Variants in PKDCC observed in about 807,000 individuals in gnomAD.
PKDCC encodes the protein extracellular tyrosine-protein kinase PKDCC.
PKDCC carries 35 observed loss-of-function variants against 44.7 expected under a neutral mutation model. The observed-to-expected ratio is 0.78, with a 90% CI of 0.60 to 1.04. PKDCC has a LOEUF of 1.04. Ranked by LOEUF, PKDCC falls within the 50% of genes least tolerant of loss-of-function variation. The pLI is 0.00. For synonymous variants in PKDCC, 353 were observed against 303.3 expected (o/e 1.16, Z -1.70); for missense variants, 738 against 672.7 (o/e 1.10, Z -1.07).
At chr2:42,057,557 GAA>G (rs1432271622) in intron 6 of PKDCC, 44 bp from the exon 7 acceptor site, 1 of 1,598,226 alleles carries the variant, frequency 6.3e-7, no homozygotes, top group Non-Finnish European at 8.5e-7. Flanking sequence ...CTTGCCTCCA[GAA>G]AGAGAAACAT....
chr2:42,053,659 C>T (rs1203147648), intron 2 of PKDCC: 3 of 520,020 alleles, frequency 5.8e-6, no homozygotes, highest in Non-Finnish European at 6.8e-6. Context: ...AGCCTGACTG[C>T]AGGAGGGCCA....
intron 1 of PKDCC, among the ~76,000 whole-genome samples, chr2:42,050,863 G>A (rs1038693912): frequency 1.3e-5 from 2 of 152,126 alleles, no homozygotes; most frequent in South Asian, 2.1e-4. Flanking sequence ...GGCCAGTGTC[G>A]CTCTGGCCTC....
rs1056155900 is a variant in PKDCC at position 42,048,968 on chromosome 2, C to G, written c.639+130C>G. ...ACCCAGGCTAAGCTAGACGCAGAAA[C>G]CGGACCATGGCCCTTCCCACTGCAC... On this transcript the variant is annotated intron_variant, in intron 1 of 6. Transcript: ENST00000294964. The surrounding 1 kb of genome is among the most constrained non-coding windows in gnomAD (Gnocchi z 6.2). 1 of 1,302,068 alleles carries G rather than the reference C, an allele frequency of 7.7e-7. No homozygotes were observed. The highest frequency in any genetic ancestry group is 2.4e-5 in the South Asian group (1 of 41,838). 80.7% of individuals were successfully genotyped at this position (1,302,068 alleles called of 1,614,324 possible).
Position 42,049,186 on chromosome 2 carries a change from C to A in PKDCC, c.639+348C>A, listed in dbSNP as rs1572759375. Among the ~76,000 whole-genome samples the A allele has an allele frequency of 2.6e-5, 4 of 152,184 alleles. No homozygotes were observed. The South Asian group carries it at 6.2e-4, about 24-fold the overall frequency. ...TGAACACCAGGGATATTACCCCAAG[C>A]CAAAATGACCCTAAGCCAAGACACT... On this transcript the variant is annotated intron_variant, in intron 1 of 6. Coordinates refer to ENST00000294964, the MANE Select transcript of PKDCC (RefSeq NM_138370.3).
At position 42,057,745 on chromosome 2, in the gene PKDCC, G is replaced by A. The variant is rs545680722; in HGVS notation, c.*57G>A. Reference sequence around the variant, plus strand: ...ATCCTCAGCAGCTGGGCTTGCCTGTGGAGGGAGTGACTTGCACTGGCAGCA... The same window carrying A: ...ATCCTCAGCAGCTGGGCTTGCCTGTAGAGGGAGTGACTTGCACTGGCAGCA... On this transcript the variant is annotated 3_prime_UTR_variant, in exon 7 of 7. Transcript: ENST00000294964. 6.0e-6 allele frequency: 9 copies of A among 1,494,592 alleles called. No homozygotes were observed. Among genetic ancestry groups the A allele is most frequent in the Middle Eastern group, 4.0e-4 (2 of 5,054 alleles). The allele number at this position is 1,494,592 out of a possible 1,614,324, so 92.6% of individuals were successfully genotyped here.
chr2:42,049,693 C>G lies in PKDCC; in HGVS notation c.639+855C>G, dbSNP rs916476319. 2.6e-5 allele frequency among the ~76,000 whole-genome samples: 4 copies of G among 152,176 alleles called. No individual in the cohort carries two copies. The East Asian group carries it at 7.7e-4, about 29-fold the overall frequency. On this transcript the variant is annotated intron_variant, in intron 1 of 6. Transcript: ENST00000294964. ...ACACAGGCGAGAGCTGAAACCCCCACCTTGTCCCCTCCAAGCTAGACTTTG... is the reference window on the plus strand; with the variant it reads ...ACACAGGCGAGAGCTGAAACCCCCAGCTTGTCCCCTCCAAGCTAGACTTTG...
At chr2:42,053,968 G>A (rs946372789) in intron 2 of PKDCC, 68 bp from the exon 3 acceptor site, 3 of 1,546,020 alleles carry the variant, frequency 1.9e-6, no homozygotes, top group Non-Finnish European at 2.6e-6. Flanking sequence ...AGAGGAGGGT[G>A]CCCTCGAGTC....
intron 1 of PKDCC, 39 bp from the exon 2 acceptor site, chr2:42,053,200 C>A: frequency 4.3e-6 from 6 of 1,401,172 alleles, no homozygotes; most frequent in South Asian, 1.3e-5. Context: ...TCCCCACCCC[C>A]ACCCTGTGAC....
chr2:42,056,865 G>A (rs1307398433), intron 5 of PKDCC, among the ~76,000 whole-genome samples: 4 of 152,320 alleles, frequency 2.6e-5, no homozygotes, highest in African/African-American at 4.8e-5. Flanking sequence ...GGCTCCAACT[G>A]TCTAAAATGT....
Position 42,055,222 on chromosome 2 carries a change from C to A in PKDCC, c.1115-64C>A. The A allele has an allele frequency of 6.8e-7, 1 of 1,480,846 alleles. No homozygotes were observed. Among genetic ancestry groups the A allele is most frequent in the Non-Finnish European group, 9.3e-7 (1 of 1,078,400 alleles). The allele number at this position is 1,480,846 out of a possible 1,614,324, so 91.7% of individuals were successfully genotyped here. The stretch of plus-strand genomic sequence containing the variant: ...TGGAGGCAGAGGTGGGAGCAGCTGG[C>A]TGCTGACTTCAGGGAGGAGTGGGAG... On this transcript the variant is annotated intron_variant, in intron 4 of 6. Coordinates refer to ENST00000294964, the MANE Select transcript of PKDCC (RefSeq NM_138370.3). This position sits in a 1 kb window ranked among gnomAD's most constrained non-coding sequence, Gnocchi z 4.5.
In PKDCC at chr2:42,055,615, T is replaced by C. The variant is rs1051901287; in HGVS notation, c.1222+222T>C. On this transcript the variant is annotated intron_variant, in intron 5 of 6. Coordinates refer to ENST00000294964, the MANE Select transcript of PKDCC (RefSeq NM_138370.3). This position sits in a 1 kb window ranked among gnomAD's most constrained non-coding sequence, Gnocchi z 4.5. ...CTATAATTCTGCCTTCAACCTGGGG[T>C]TGGGCACTGATACCCCTACTCTGGA... 9 of 548,380 alleles carry C rather than the reference T, an allele frequency of 1.6e-5. No homozygotes were observed. The highest frequency in any genetic ancestry group is 3.0e-5 in the Non-Finnish European group (9 of 304,984). The allele number at this position is 548,380 out of a possible 1,614,324, so 34.0% of individuals were successfully genotyped here. A position where few individuals can be genotyped will look rare whatever the true frequency, so the allele number is the denominator to read the frequency against.
At chr2:42,057,059 C>G (rs1668067954) in intron 5 of PKDCC, among the ~76,000 whole-genome samples, 162 bp from the exon 6 acceptor site, 1 of 152,232 alleles carries the variant, frequency 6.6e-6, no homozygotes, top group African/African-American at 2.4e-5. Context: ...AGCCCTGTTT[C>G]AACAGTGGTA....
At chr2:42,053,557 T>C (rs1289640072) in intron 2 of PKDCC, 196 bp downstream of exon 2, 11 of 725,434 alleles carry the variant, frequency 1.5e-5, no homozygotes, top group Non-Finnish European at 2.4e-5. Flanking sequence ...CATGCTGTGC[T>C]CTTGCCCTCC....
chr2:42,055,077 C>A lies in PKDCC; in HGVS notation c.1114+57C>A. The A allele has an allele frequency of 6.5e-7, 1 of 1,535,200 alleles. No homozygotes were observed. Among genetic ancestry groups the A allele is most frequent in the South Asian group, 1.1e-5 (1 of 89,026 alleles). The stretch of plus-strand genomic sequence containing the variant: ...CACCTACCCCACCCCCACCCGCCAG[C>A]AAAAGTGGGGAGAAAAATAACCCAG... On this transcript the variant is annotated intron_variant, in intron 4 of 6. Coordinates refer to ENST00000294964, the MANE Select transcript of PKDCC (RefSeq NM_138370.3). The surrounding 1 kb of genome is among the most constrained non-coding windows in gnomAD (Gnocchi z 4.5).
rs544369118 is a variant in PKDCC at position 42,051,148 on chromosome 2, C to G, written c.640-2091C>G. Among the ~76,000 whole-genome samples the G allele has an allele frequency of 1.9e-4, 29 of 152,212 alleles. No individual in the cohort carries two copies. Among genetic ancestry groups the G allele is most frequent in the African/African-American group, 5.8e-4 (24 of 41,502 alleles). ...TAGAAAATGCCCAGGCTAGCAGGCCCCATTCTGCACCTCCCAGGGCTTTCT... is the reference window on the plus strand; with the variant it reads ...TAGAAAATGCCCAGGCTAGCAGGCCGCATTCTGCACCTCCCAGGGCTTTCT... On this transcript the variant is annotated intron_variant, in intron 1 of 6. Transcript: ENST00000294964. The surrounding 1 kb of genome is among the most constrained non-coding windows in gnomAD (Gnocchi z 4.2).
rs753297586 is a variant in PKDCC, at chr2:42,057,840, C to T, written c.*152C>T. 1.5e-4 allele frequency: 95 copies of T among 643,192 alleles called. No individual in the cohort carries two copies. The highest frequency in any genetic ancestry group is 8.4e-4 in the Middle Eastern group (2 of 2,378). 39.8% of individuals were successfully genotyped at this position (643,192 alleles called of 1,614,324 possible). ...GACAGACAGATGTGACCAGGACAAA[C>T]GTGCAATAATGCCAAATGTTAAAAT... On this transcript the variant is annotated 3_prime_UTR_variant, in exon 7 of 7. Coordinates refer to ENST00000294964, the MANE Select transcript of PKDCC (RefSeq NM_138370.3).
chr2:42,054,316 C>T lies in PKDCC; in HGVS notation c.1034+9C>T, dbSNP rs1447791730. The T allele has an allele frequency of 3.8e-6, 6 of 1,591,680 alleles. No homozygotes were observed. The highest frequency in any genetic ancestry group is 1.7e-5 in the Admixed American group (1 of 58,028). On this transcript the variant is annotated intron_variant, in intron 3 of 6. Coordinates refer to ENST00000294964, the MANE Select transcript of PKDCC (RefSeq NM_138370.3). The surrounding 1 kb of genome is among the most constrained non-coding windows in gnomAD (Gnocchi z 6.1). ...CTCTATAATGCCTACAGGTGACCTC[C>T]ACCCCTGACTCGGGAACTCCATCGA...
intron 1 of PKDCC, 47 bp from the exon 2 acceptor site, chr2:42,053,192 C>A: frequency 1.2e-5 from 14 of 1,145,798 alleles, no homozygotes; most frequent in Non-Finnish European, 1.6e-5. Context: ...CTTCCCTGTC[C>A]CCACCCCCAC....
rs113756992 is a variant in PKDCC at position 42,055,013 on chromosome 2, C to T, written c.1107C>T (p.Asn369=). The change falls in exon 4 of 7, where the codon AAC becomes AAT. Residue 369 remains asparagine, a synonymous_variant. Transcript: ENST00000294964. The surrounding 1 kb of genome is among the most constrained non-coding windows in gnomAD (Gnocchi z 4.5). The part of the protein sequence containing the change: ...SLRPLLDSIV[N]ATGELAWGVD... ...GTCCTCTGCTGGACAGCATCGTCAA[C>T]GCCACAGGTGAGCTCTCCAGGGCCC... 36 of 1,613,712 alleles carry T rather than the reference C, an allele frequency of 2.2e-5. No individual in the cohort carries two copies. Among genetic ancestry groups the T allele is most frequent in the South Asian group, 3.3e-5 (3 of 91,082 alleles).
Sources: gnomAD v4.1 joint callset for allele counts (sites outside exome capture counted in the v4.1 genomes callset) on GRCh38, gnomAD v4.1.1 for gene constraint, Gnocchi (gnomAD v3.1) non-coding constraint, MANE v1.5 for transcripts, NCBI Gene and HGNC (gene_info 2026-07-23, HGNC 2026-07-21) for gene names.